The following SUGCT variants were observed in gnomAD, a reference collection of about 807,000 sequenced individuals.
SUGCT encodes succinyl-CoA:glutarate-CoA transferase, also known as succinyl-CoA:glutarate CoA-transferase.
In SUGCT, 41 loss-of-function variants were observed where a neutral mutation model predicts 55.0. The ratio of observed to expected loss-of-function variants is 0.74; its 90% CI spans 0.58 to 0.97. The LOEUF is 0.97. Ranked by LOEUF, SUGCT falls within the 50% of genes least tolerant of loss-of-function variation. The pLI, the probability that SUGCT is intolerant of heterozygous loss-of-function variation, is 0.00. For synonymous variants in SUGCT, 187 were observed against 200.4 expected, an observed-to-expected ratio of 0.93 and a Z score of 0.56; for missense variants, 568 against 547.8, an observed-to-expected ratio of 1.04 and a Z score of -0.37.
intron 10 of SUGCT, among the ~76,000 whole-genome samples, chr7:40,457,883 C>T (rs1022910549): frequency 1.2e-4 from 19 of 152,102 alleles, no homozygotes; most frequent in Admixed American, 5.9e-4. Flanking sequence ...TTCACTCTTA[C>T]GGAGGGAGGG....
At chr7:40,768,603 C>T (rs544267891) in intron 13 of SUGCT, among the ~76,000 whole-genome samples, 28 of 152,146 alleles carry the variant, frequency 1.8e-4, no homozygotes, top group Admixed American at 3.9e-4. Flanking sequence ...CAATAGCAAA[C>T]GTTGCTTCAT....
chr7:40,705,081 T>C (rs1055765400), intron 12 of SUGCT, among the ~76,000 whole-genome samples: 8 of 152,236 alleles, frequency 5.3e-5, no homozygotes, highest in African/African-American at 1.9e-4. Context: ...ATCAGTTCTT[T>C]TTTAAAAAAG....
chr7:40,256,553 T>C (rs1790822675), intron 7 of SUGCT, among the ~76,000 whole-genome samples: 1 of 152,110 alleles, frequency 6.6e-6, no homozygotes. Flanking sequence ...TGGAGTTACA[T>C]AGGGTGAGGA....
At chr7:40,435,716 C>T (rs1428352156) in intron 9 of SUGCT, among the ~76,000 whole-genome samples, 1 of 152,066 alleles carries the variant, frequency 6.6e-6, no homozygotes, top group African/African-American at 2.4e-5. Flanking sequence ...AGTTAACTGT[C>T]TGGTTCCTGT....
intron 8 of SUGCT, among the ~76,000 whole-genome samples, chr7:40,280,984 C>T (rs1167367935): frequency 1.3e-5 from 2 of 151,890 alleles, no homozygotes; most frequent in African/African-American, 4.8e-5. Flanking sequence ...TTCCGTGGGC[C>T]CTGGGAACTT....
the SUGCT span, among the ~76,000 whole-genome samples, chr7:40,932,768 TGCTTTCCA>T: frequency 6.7e-6 from 1 of 149,858 alleles, no homozygotes; most frequent in African/African-American, 2.5e-5. Context: ...TTTTTTTTTT[TGCTTTCCA>T]TTTGCTTGGT....
the SUGCT span, among the ~76,000 whole-genome samples, chr7:40,927,146 T>C: frequency 5.3e-3 from 803 of 152,342 alleles, 6 homozygotes; most frequent in African/African-American, 0.018. Context: ...CAATCTCACA[T>C]AGTCTAAGAT....
intron 13 of SUGCT, among the ~76,000 whole-genome samples, chr7:40,821,744 G>T (rs765240371): frequency 6.6e-6 from 1 of 151,982 alleles, no homozygotes; most frequent in Non-Finnish European, 1.5e-5. Flanking sequence ...TTTTTGAAGG[G>T]TTTTTTGTGT....
chr7:40,255,153 G>A (rs1343532340), intron 7 of SUGCT, among the ~76,000 whole-genome samples: 1 of 151,086 alleles, frequency 6.6e-6, no homozygotes, highest in Non-Finnish European at 1.5e-5. Context: ...CTTGAACCCG[G>A]GAGGCAGAGG....
intron 7 of SUGCT, among the ~76,000 whole-genome samples, chr7:40,239,069 G>A (rs1165060696): frequency 1.3e-5 from 2 of 151,960 alleles, no homozygotes; most frequent in Admixed American, 1.3e-4. Flanking sequence ...TCCAATCCCA[G>A]TGCTAGGATT....
intron 8 of SUGCT, among the ~76,000 whole-genome samples, chr7:40,309,194 A>AC (rs1306405993): frequency 2.0e-5 from 3 of 152,240 alleles, no homozygotes; most frequent in Admixed American, 1.3e-4. Flanking sequence ...AATGTACCTT[A>AC]CCCTAGAATG....
intron 12 of SUGCT, chr7:40,538,911 A>G (rs1343844921): frequency 6.6e-6 from 1 of 152,216 alleles, no homozygotes; most frequent in Non-Finnish European, 1.5e-5. Flanking sequence ...CCCCGTCTCT[A>G]CTAAAAATAC....
chr7:40,751,381 G>A lies in SUGCT; in HGVS notation c.1153+1884G>A, dbSNP rs376283720. The stretch of plus-strand genomic sequence containing the variant: ...ATCACACAATTTACAGCTTAAAGCC[G>A]GCGGTCAGGTTAGGAAGTGATACAG... On this transcript the variant is annotated intron_variant, in intron 13 of 13. Coordinates refer to ENST00000335693, the MANE Select transcript of SUGCT (RefSeq NM_001193313.2). 3.2e-3 allele frequency among the ~76,000 whole-genome samples: 486 copies of A among 152,226 alleles called. 2 individuals are homozygous for A. Among genetic ancestry groups the A allele is most frequent in the African/African-American group, 0.011 (468 of 41,520 alleles).
At chr7:41,019,546 A>G in the SUGCT span, among the ~76,000 whole-genome samples, 3 of 152,208 alleles carry the variant, frequency 2.0e-5, no homozygotes, top group African/African-American at 7.2e-5. Flanking sequence ...TATGGTCTTT[A>G]TTATTACAAG....
At chr7:41,009,079 G>A in the SUGCT span, among the ~76,000 whole-genome samples, 1 of 152,018 alleles carries the variant, frequency 6.6e-6, no homozygotes. Context: ...GCCGGGTATG[G>A]TGGATCATGC....
intron 9 of SUGCT, among the ~76,000 whole-genome samples, chr7:40,443,804 A>G (rs1021550576): frequency 6.6e-5 from 10 of 152,152 alleles, no homozygotes; most frequent in African/African-American, 1.9e-4. Context: ...GCCCTTGCCT[A>G]TGTCCTGAAT....
Position 40,241,234 on chromosome 7 carries a change from C to T in SUGCT, c.576+3508C>T, listed in dbSNP as rs1193485966. On this transcript the variant is annotated intron_variant, in intron 7 of 13. Transcript: ENST00000335693. Reference sequence around the variant, plus strand: ...AAAACTCAAAGTGCAACTTTTTTTCCTATAGTGTTATAATAATGTCATTTT... The same window carrying T: ...AAAACTCAAAGTGCAACTTTTTTTCTTATAGTGTTATAATAATGTCATTTT... 2.6e-5 allele frequency among the ~76,000 whole-genome samples: 4 copies of T among 151,828 alleles called. No individual in the cohort carries two copies. In the East Asian group the frequency reaches 7.7e-4, roughly 29 times the overall value.
chr7:40,879,652 A>T, the SUGCT span, among the ~76,000 whole-genome samples: 121 of 152,188 alleles, frequency 8.0e-4, no homozygotes, highest in Middle Eastern at 6.8e-3. Context: ...CATTTTGCAT[A>T]TTTTTTTCCA....
chr7:40,445,554 A>G (rs1411046892), intron 9 of SUGCT, among the ~76,000 whole-genome samples: 1 of 152,180 alleles, frequency 6.6e-6, no homozygotes, highest in African/African-American at 2.4e-5. Flanking sequence ...TCACAGCCAA[A>G]TTCTACCACA....
Sources: allele counts gnomAD v4.1 joint callset (sites outside exome capture counted in the v4.1 genomes callset), GRCh38; gene constraint gnomAD v4.1.1; transcripts MANE v1.5; gene names NCBI Gene and HGNC (gene_info 2026-07-23, HGNC 2026-07-21).